The following OR9Q1 variants were observed in gnomAD, a reference collection of about 807,000 sequenced individuals.
The protein encoded by OR9Q1 is olfactory receptor family 9 subfamily Q member 1.
For synonymous variants in OR9Q1, 153 were observed against 148.6 expected (o/e 1.03, Z -0.22); for missense variants, 374 against 378.8 (o/e 0.99, Z 0.11).
chr11:58,119,260 A>G, intron 2 of OR9Q1: 1 of 1,614,022 alleles, frequency 6.2e-7, no homozygotes. Context: ...GTGGCTCAGG[A>G]AGAAGTACAT....
intron 2 of OR9Q1, among the ~76,000 whole-genome samples, chr11:58,120,390 A>C (rs1005384984): frequency 1.3e-5 from 2 of 152,138 alleles, no homozygotes; most frequent in African/African-American, 2.4e-5. Flanking sequence ...TGCTTATGTC[A>C]TAGGGGTCTT....
intron 2 of OR9Q1, among the ~76,000 whole-genome samples, chr11:58,090,589 C>T (rs2120063355): frequency 6.6e-6 from 1 of 152,208 alleles, no homozygotes; most frequent in South Asian, 2.1e-4. Flanking sequence ...TCACCAGGTA[C>T]ATTGCCCTGA....
intron 2 of OR9Q1, chr11:58,125,232 A>ACCCCC (rs202052034): frequency 1.7e-5 from 1 of 58,486 alleles, no homozygotes; most frequent in Admixed American, 2.0e-4. Context: ...TTCCCCCCTT[A>ACCCCC]CCCACCGCCC....
At chr11:58,114,985 A>G (rs758093958) in intron 2 of OR9Q1, among the ~76,000 whole-genome samples, 25 of 152,162 alleles carry the variant, frequency 1.6e-4, no homozygotes, top group Admixed American at 2.6e-4. Context: ...TTGCCTGTCC[A>G]CATGGCTTAC....
At chr11:58,123,068 C>A in intron 2 of OR9Q1, among the ~76,000 whole-genome samples, 1 of 150,972 alleles carries the variant, frequency 6.6e-6, no homozygotes, top group Admixed American at 6.6e-5. Context: ...TTATTTAATT[C>A]TGAAAGCAGC....
rs183998134 is a variant in OR9Q1 at position 58,085,536 on chromosome 11, G to A, written c.-15+29589G>A. On this transcript the variant is annotated intron_variant, in intron 2 of 2. Transcript: ENST00000335397. ...ATCTTGTTTCTGAAACTTTATGCCC[G>A]TTGAGCAAAAACTCCTTATTTCCTC... is the stretch of plus-strand genomic sequence containing the variant. Among the ~76,000 whole-genome samples the A allele has an allele frequency of 1.7e-4, 26 of 151,688 alleles. 1 individual carries two copies. In the South Asian group the frequency reaches 2.7e-3, roughly 16 times the overall value.
intron 2 of OR9Q1, among the ~76,000 whole-genome samples, chr11:58,104,349 GT>G (rs3085869): frequency 0.4 from 57,810 of 146,044 alleles, 12,426 homozygotes; most frequent in East Asian, 0.72. Context: ...TTGGATGGTA[GT>G]TTTTTTTTTT....
chr11:58,040,724 G>A (rs1853153577), intron 1 of OR9Q1: 1 of 152,282 alleles, frequency 6.6e-6, no homozygotes, highest in African/African-American at 2.4e-5. Flanking sequence ...CTCCTGGTGG[G>A]GAGTTCAGGA....
At chr11:58,068,924 C>T (rs1456450179) in intron 2 of OR9Q1, among the ~76,000 whole-genome samples, 1 of 152,054 alleles carries the variant, frequency 6.6e-6, no homozygotes. Flanking sequence ...TATAAATTGT[C>T]CAACACATTA....
chr11:58,111,345 T>C (rs932236318), intron 2 of OR9Q1, among the ~76,000 whole-genome samples: 4 of 152,102 alleles, frequency 2.6e-5, no homozygotes, highest in African/African-American at 7.2e-5. Flanking sequence ...AGCACTGCTT[T>C]TACTGTGATT....
intron 1 of OR9Q1, among the ~76,000 whole-genome samples, chr11:58,034,735 T>TTCCTTCCTTCCTTCCTTCCTTCC (rs1853079294): frequency 3.4e-4 from 38 of 111,476 alleles, no homozygotes; most frequent in African/African-American, 1.1e-3. Context: ...GGTTTCTTTC[T>TTCCTTCCTTCCTTCCTTCCTTCC]TTCCTTCCTT....
intron 2 of OR9Q1, among the ~76,000 whole-genome samples, chr11:58,119,980 G>A (rs552725514): frequency 6.6e-6 from 1 of 152,204 alleles, no homozygotes; most frequent in South Asian, 2.1e-4. Flanking sequence ...TGATGAATCT[G>A]CTCTTCCTGC....
intron 2 of OR9Q1, among the ~76,000 whole-genome samples, chr11:58,065,185 A>G (rs75684432): frequency 0.026 from 4,020 of 152,296 alleles, 72 homozygotes; most frequent in East Asian, 0.061. Context: ...TCAGATGCAG[A>G]AACAGTCAGA....
rs185765573 is a variant in OR9Q1, at chr11:58,096,034, T to G, written c.-15+40087T>G. Among the ~76,000 whole-genome samples the G allele has an allele frequency of 2.8e-3, 425 of 152,200 alleles. 2 individuals are homozygous for G. The highest frequency in any genetic ancestry group is 9.5e-3 in the African/African-American group (393 of 41,512). ...GGGACAAATGTTACATTGACTGGAATGCCTGGACAACATATGTATTTAAAG... is the reference window on the plus strand; with the variant it reads ...GGGACAAATGTTACATTGACTGGAAGGCCTGGACAACATATGTATTTAAAG... On this transcript the variant is annotated intron_variant, in intron 2 of 2. Coordinates refer to ENST00000335397, the MANE Select transcript of OR9Q1 (RefSeq NM_001005212.4).
At chr11:58,104,487 C>A (rs1853821366) in intron 2 of OR9Q1, among the ~76,000 whole-genome samples, 1 of 151,696 alleles carries the variant, frequency 6.6e-6, no homozygotes, top group African/African-American at 2.4e-5. Context: ...ACAAAATAAG[C>A]TTTTGTACAG....
chr11:58,025,811 C>T (rs141495375), intron 1 of OR9Q1, among the ~76,000 whole-genome samples: 4 of 152,128 alleles, frequency 2.6e-5, no homozygotes, highest in Non-Finnish European at 5.9e-5. Context: ...TGACTCTCTC[C>T]GTGGACCTCA....
At chr11:58,154,036 A>G (rs1302613626) in intron 2 of OR9Q1, among the ~76,000 whole-genome samples, 1 of 152,006 alleles carries the variant, frequency 6.6e-6, no homozygotes, top group Non-Finnish European at 1.5e-5. Flanking sequence ...AGCTGTATTT[A>G]AAGAAGTGAC....
In OR9Q1 at chr11:58,084,594, T is replaced by G. The variant is rs186504057; in HGVS notation, c.-15+28647T>G. On this transcript the variant is annotated intron_variant, in intron 2 of 2. Transcript: ENST00000335397. ...AGCACATCAAAAAGTTAATACACCATGATCAAATAGGCTTTATTCCTGGGT... is the reference window on the plus strand; with the variant it reads ...AGCACATCAAAAAGTTAATACACCAGGATCAAATAGGCTTTATTCCTGGGT... 1.8e-3 allele frequency among the ~76,000 whole-genome samples: 271 copies of G among 151,988 alleles called. 3 individuals are homozygous for G. The highest frequency in any genetic ancestry group is 0.016 in the Admixed American group (250 of 15,256).
intron 1 of OR9Q1, among the ~76,000 whole-genome samples, chr11:58,037,309 G>T (rs1020359823): frequency 2.6e-5 from 4 of 151,952 alleles, no homozygotes; most frequent in African/African-American, 2.4e-5. Context: ...ACATACTTTT[G>T]TATGCACTGG....
Sources: allele counts gnomAD v4.1 joint callset (sites outside exome capture counted in the v4.1 genomes callset), GRCh38; gene constraint gnomAD v4.1.1; transcripts MANE v1.5; gene names NCBI Gene and HGNC (gene_info 2026-07-23, HGNC 2026-07-21).